DLC1: variants seen among roughly 807,000 people sequenced by gnomAD.
DLC1 encodes DLC1 Rho GTPase activating protein.
DLC1 carries 54 observed loss-of-function variants against 140.3 expected under a neutral mutation model. That is an observed-to-expected ratio of 0.38 (90% CI 0.31 to 0.48). The LOEUF (loss-of-function observed/expected upper bound fraction) is 0.48, where lower values mean the gene tolerates loss of function less well. Among genes scored for constraint, DLC1 ranks in the 20% least tolerant of loss-of-function variants. The probability of loss-of-function intolerance (pLI) is 0.96; values close to 1 mark genes in which losing one functional copy is unlikely to be tolerated. For missense variants in DLC1, 2,536 were observed against 1,907.0 expected, an observed-to-expected ratio of 1.33 and a Z score of -6.14; for synonymous variants, 986 against 728.1, an observed-to-expected ratio of 1.35 and a Z score of -5.70.
intron 5 of DLC1, among the ~76,000 whole-genome samples, chr8:13,254,983 C>CTTTT (rs549628779): frequency 6.7e-6 from 1 of 149,634 alleles, no homozygotes; most frequent in Admixed American, 6.7e-5. Flanking sequence ...TTTCTTTTTT[C>CTTTT]TTATTTTTTT....
intron 4 of DLC1, among the ~76,000 whole-genome samples, chr8:13,330,447 G>C (rs756500272): frequency 8.5e-5 from 13 of 152,204 alleles, no homozygotes; most frequent in Admixed American, 3.9e-4. Context: ...TGCTGAGCTA[G>C]GTTACAGGTC....
At chr8:13,552,650 G>C (rs1803906955) in intron 1 of DLC1, among the ~76,000 whole-genome samples, 1 of 151,474 alleles carries the variant, frequency 6.6e-6, no homozygotes, top group Non-Finnish European at 1.5e-5. Flanking sequence ...ATTAATTTCT[G>C]AGAATATTAA....
chr8:13,102,529 G>C (rs1040716579), intron 8 of DLC1, among the ~76,000 whole-genome samples: 1 of 152,132 alleles, frequency 6.6e-6, no homozygotes, highest in African/African-American at 2.4e-5. Context: ...TTATGTAATA[G>C]GCATTGAGTT....
intron 2 of DLC1, among the ~76,000 whole-genome samples, chr8:13,491,745 T>C (rs1453933559): frequency 2.0e-5 from 3 of 152,178 alleles, no homozygotes; most frequent in Non-Finnish European, 2.9e-5. Context: ...TGTCCTGATT[T>C]AGCACAGAAC....
chr8:13,083,806 C>G lies in DLC1; in HGVS notation c.*2005G>C, dbSNP rs1447643032. 1 of 152,596 alleles carries G rather than the reference C, an allele frequency of 6.6e-6. No homozygotes were observed. Among genetic ancestry groups the G allele is most frequent in the African/African-American group, 2.4e-5 (1 of 41,442 alleles). The allele number at this position is 152,596 out of a possible 1,614,324, so 9.5% of individuals were successfully genotyped here. A position where few individuals can be genotyped will look rare whatever the true frequency, so the allele number is the denominator to read the frequency against. ...TGGAATGATTTGCAGTCCGATTTTT[C>G]CTTCAGCAAATCGCTCTTTTGATTG... On this transcript the variant is annotated 3_prime_UTR_variant, in exon 18 of 18. Transcript: ENST00000276297.
At chr8:13,294,206 C>G (rs1346044388) in intron 5 of DLC1, among the ~76,000 whole-genome samples, 6 of 152,188 alleles carry the variant, frequency 3.9e-5, no homozygotes, top group African/African-American at 1.4e-4. Context: ...ACTATACTTT[C>G]TGGTTAGTTT....
intron 5 of DLC1, among the ~76,000 whole-genome samples, chr8:13,170,527 G>A (rs370964449): frequency 6.6e-5 from 10 of 152,030 alleles, no homozygotes; most frequent in African/African-American, 1.9e-4. Flanking sequence ...TCAGGAAATC[G>A]AGACCATCCT....
At chr8:13,550,537 C>T (rs1585265034) in intron 1 of DLC1, among the ~76,000 whole-genome samples, 1 of 152,210 alleles carries the variant, frequency 6.6e-6, no homozygotes, top group South Asian at 2.1e-4. Context: ...CTCACTCATA[C>T]CCCATAGTAA....
intron 5 of DLC1, among the ~76,000 whole-genome samples, chr8:13,128,330 T>A (rs1407350607): frequency 1.3e-5 from 2 of 151,952 alleles, no homozygotes; most frequent in Non-Finnish European, 2.9e-5. Flanking sequence ...CCCAGAACAC[T>A]CCCCCAAATG....
intron 5 of DLC1, among the ~76,000 whole-genome samples, chr8:13,136,035 C>G (rs1199512834): frequency 6.6e-6 from 1 of 152,164 alleles, no homozygotes; most frequent in Non-Finnish European, 1.5e-5. Flanking sequence ...TGACAAGGGC[C>G]AAGCCCCAAT....
chr8:13,123,607 C>T (rs1488706633), intron 5 of DLC1, among the ~76,000 whole-genome samples: 1 of 152,078 alleles, frequency 6.6e-6, no homozygotes, highest in African/African-American at 2.4e-5. Context: ...CTCGGCCTCC[C>T]TCCCAAAGTG....
At chr8:13,305,580 G>C (rs775790687) in intron 4 of DLC1, among the ~76,000 whole-genome samples, 1 of 152,180 alleles carries the variant, frequency 6.6e-6, no homozygotes, top group Non-Finnish European at 1.5e-5. Context: ...GTTCACACCT[G>C]TAATCCCAGA....
chr8:13,428,921 C>A (rs72603964), intron 2 of DLC1, among the ~76,000 whole-genome samples: 14,645 of 152,144 alleles, frequency 0.096, 808 homozygotes, highest in East Asian at 0.16. Flanking sequence ...ACAGGGCAAC[C>A]TGGTGGGGTG....
At position 13,536,819 on chromosome 8, in the gene DLC1, C is replaced by A. The variant is rs537406006; in HGVS notation, c.-125-36623G>T. On this transcript the variant is annotated intron_variant, in intron 1 of 1. Coordinates refer to the DLC1 transcript ENST00000631382. ...ATGTATTTAGAGAATCTTCAATCTC[C>A]TTCCTTTTAATCCTTTGTAACTATG... Among the ~76,000 whole-genome samples, 20 of 152,258 alleles carry A rather than the reference C, an allele frequency of 1.3e-4. No individual in the cohort carries two copies. The Middle Eastern group carries it at 0.01, about 78-fold the overall frequency.
In DLC1 at chr8:13,400,702, A is replaced by C. The variant is rs924007851; in HGVS notation, c.1173+768T>G. Reference sequence around the variant, plus strand: ...CAGGTAAATACAAATTTCTTGACTTAATATGTTTATTATTGAATAACACAA... The same window carrying C: ...CAGGTAAATACAAATTTCTTGACTTCATATGTTTATTATTGAATAACACAA... On this transcript the variant is annotated intron_variant, in intron 3 of 17. Transcript: ENST00000276297. Among the ~76,000 whole-genome samples the C allele has an allele frequency of 2.5e-4, 38 of 152,270 alleles. 1 individual carries two copies. The highest frequency in any genetic ancestry group is 8.7e-4 in the African/African-American group (36 of 41,566).
intron 4 of DLC1, among the ~76,000 whole-genome samples, chr8:13,308,743 A>G (rs1403403542): frequency 6.6e-6 from 1 of 152,196 alleles, no homozygotes; most frequent in Non-Finnish European, 1.5e-5. Flanking sequence ...CTGGTGTGTC[A>G]TTAAAAAGAG....
intron 4 of DLC1, among the ~76,000 whole-genome samples, chr8:13,375,514 T>C (rs1411250951): frequency 2.0e-5 from 3 of 152,316 alleles, no homozygotes; most frequent in Middle Eastern, 3.4e-3. Flanking sequence ...TTCTCCTGCC[T>C]GAATGCCCTG....
intron 2 of DLC1, among the ~76,000 whole-genome samples, chr8:13,491,662 A>G (rs906147326): frequency 4.6e-5 from 7 of 152,194 alleles, no homozygotes; most frequent in Admixed American, 3.9e-4. Flanking sequence ...ACAGTGTAAT[A>G]ATGATCTCAG....
intron 5 of DLC1, among the ~76,000 whole-genome samples, chr8:13,188,777 ATGTG>A (rs201849073): frequency 2.8e-5 from 3 of 108,862 alleles, no homozygotes; most frequent in Non-Finnish European, 5.4e-5. Context: ...TGCCCAGCTA[ATGTG>A]TGTGTGTGTG....
Sources: allele counts gnomAD v4.1 joint callset (sites outside exome capture counted in the v4.1 genomes callset), GRCh38; gene constraint gnomAD v4.1.1; transcripts MANE v1.5; gene names NCBI Gene and HGNC (gene_info 2026-07-23, HGNC 2026-07-21).